Variants in ELAVL4 observed in about 807,000 individuals in gnomAD.
The protein encoded by ELAVL4 is ELAV like RNA binding protein 4.
ELAVL4 carries 1 observed loss-of-function variant against 35.6 expected under a neutral mutation model. The observed-to-expected ratio is 0.03, with a 90% CI of 0.01 to 0.13. ELAVL4 has a LOEUF of 0.13. Ranked by LOEUF, ELAVL4 falls within the 10% of genes least tolerant of loss-of-function variation. ELAVL4 has a pLI of 1.00. For synonymous variants in ELAVL4, 156 were observed against 171.0 expected (o/e 0.91, Z 0.69); for missense variants, 267 against 464.9 (o/e 0.57, Z 3.91).
chr1:50,143,834 A>G (rs575960409), intron 1 of ELAVL4, among the ~76,000 whole-genome samples: 1 of 152,206 alleles, frequency 6.6e-6, no homozygotes, highest in African/African-American at 2.4e-5. Flanking sequence ...GTAACTGGAC[A>G]TCTCTGGGCT....
chr1:50,078,843 C>T (rs558474665), intron 1 of ELAVL4, among the ~76,000 whole-genome samples: 10 of 152,256 alleles, frequency 6.6e-5, no homozygotes, highest in East Asian at 1.9e-4. Flanking sequence ...ATCACATGTG[C>T]GTCTGTTGGT....
chr1:50,066,384 A>C (rs1050045824), intron 1 of ELAVL4, among the ~76,000 whole-genome samples: 3 of 152,166 alleles, frequency 2.0e-5, no homozygotes, highest in Non-Finnish European at 4.4e-5. Flanking sequence ...TTTTCCTACT[A>C]ATCCTACTGC....
intron 2 of ELAVL4, chr1:50,175,724 G>A (rs2148822786): frequency 6.6e-6 from 1 of 152,260 alleles, no homozygotes; most frequent in African/African-American, 2.4e-5. Flanking sequence ...AACCCAACTT[G>A]TTTTCCCAGG....
rs768826797 is a variant in ELAVL4 at position 50,048,212 on chromosome 1, C to T, written c.18+30C>T. ...AAGCGCCTCGGCGCAGGCCCCGCAC[C>T]CCCGACTCTGCCCGCCCTCTGTTAC... On this transcript the variant is annotated intron_variant, in intron 1 of 6. Transcript: ENST00000448907. The T allele has an allele frequency of 2.1e-4, 313 of 1,503,884 alleles. 1 individual carries two copies. Among genetic ancestry groups the T allele is most frequent in the Non-Finnish European group, 2.6e-4 (288 of 1,126,818 alleles). 93.2% of individuals were successfully genotyped at this position (1,503,884 alleles called of 1,614,324 possible).
At chr1:50,075,921 G>A (rs564201126) in intron 1 of ELAVL4, among the ~76,000 whole-genome samples, 18 of 152,120 alleles carry the variant, frequency 1.2e-4, no homozygotes, top group Admixed American at 2.0e-4. Context: ...TCCACCTCCC[G>A]GGTTCAAGCG....
At chr1:50,182,983 G>T (rs971257039) in intron 3 of ELAVL4, among the ~76,000 whole-genome samples, 1 of 151,202 alleles carries the variant, frequency 6.6e-6, no homozygotes, top group South Asian at 2.1e-4. Flanking sequence ...TCAGCCTCCC[G>T]AGTAGCTGGG....
chr1:50,147,657 G>A (rs946486515), intron 2 of ELAVL4, among the ~76,000 whole-genome samples: 27 of 152,104 alleles, frequency 1.8e-4, no homozygotes, highest in African/African-American at 6.5e-4. Flanking sequence ...ATGACATCAT[G>A]GGTATTTTTG....
chr1:50,112,956 A>G (rs1424669033), intron 1 of ELAVL4, among the ~76,000 whole-genome samples: 2 of 152,170 alleles, frequency 1.3e-5, no homozygotes, highest in Non-Finnish European at 2.9e-5. Flanking sequence ...AGAGAGAGAG[A>G]GAAAGAAAAT....
chr1:50,075,754 G>A (rs780703388), intron 1 of ELAVL4, among the ~76,000 whole-genome samples: 1 of 152,184 alleles, frequency 6.6e-6, no homozygotes, highest in Non-Finnish European at 1.5e-5. Flanking sequence ...TGATGAACCC[G>A]TCATAAGTTG....
intron 1 of ELAVL4, among the ~76,000 whole-genome samples, chr1:50,070,610 C>A (rs1312227957): frequency 1.3e-5 from 2 of 151,974 alleles, no homozygotes; most frequent in East Asian, 3.9e-4. Flanking sequence ...GGCATGGTGA[C>A]AGGCACCTGT....
At chr1:50,098,790 A>G (rs927913294) in intron 1 of ELAVL4, among the ~76,000 whole-genome samples, 3 of 152,242 alleles carry the variant, frequency 2.0e-5, no homozygotes, top group African/African-American at 7.2e-5. Context: ...GTTATATAGC[A>G]TGCCTCTCTT....
chr1:50,094,912 G>A (rs986183340), intron 1 of ELAVL4, among the ~76,000 whole-genome samples: 2 of 151,822 alleles, frequency 1.3e-5, no homozygotes, highest in African/African-American at 2.4e-5. Context: ...CCTGGGCGAC[G>A]GAGTGAGACT....
chr1:50,139,409 G>A (rs1165772799), intron 1 of ELAVL4, among the ~76,000 whole-genome samples: 1 of 152,160 alleles, frequency 6.6e-6, no homozygotes, highest in African/African-American at 2.4e-5. Context: ...GTCTGTTGAA[G>A]TACATTCTGG....
At chr1:50,186,630 A>G (rs1357762303) in intron 3 of ELAVL4, among the ~76,000 whole-genome samples, 1 of 140,442 alleles carries the variant, frequency 7.1e-6, no homozygotes, top group Non-Finnish European at 1.6e-5. Flanking sequence ...ACAAAGACAT[A>G]GAAATAGAAA....
chr1:50,092,458 T>A (rs1665538403), intron 1 of ELAVL4, among the ~76,000 whole-genome samples: 1 of 152,218 alleles, frequency 6.6e-6, no homozygotes, highest in African/African-American at 2.4e-5. Context: ...CTGGCAGCAT[T>A]GCTGAGCTAA....
At chr1:50,199,859 G>A (rs1214957165) in intron 6 of ELAVL4, among the ~76,000 whole-genome samples, 1 of 152,154 alleles carries the variant, frequency 6.6e-6, no homozygotes, top group East Asian at 1.9e-4. Flanking sequence ...ATTACACAAG[G>A]ATTTATTTCA....
chr1:50,050,486 A>C (rs1663294815), intron 1 of ELAVL4, among the ~76,000 whole-genome samples: 1 of 152,216 alleles, frequency 6.6e-6, no homozygotes, highest in African/African-American at 2.4e-5. Flanking sequence ...TATATCAATA[A>C]AGTTCATGCT....
At chr1:50,048,749 G>T (rs953723488) in intron 1 of ELAVL4, among the ~76,000 whole-genome samples, 1 of 152,206 alleles carries the variant, frequency 6.6e-6, no homozygotes, top group East Asian at 1.9e-4. Flanking sequence ...CCCCGCTGTG[G>T]ACCTGGGACT....
chr1:50,165,512 C>CATATATACTATATATACAT lies in ELAVL4; in HGVS notation c.251-11569_251-11568insTATATATACATATATATAC, dbSNP rs1301372377. On this transcript the variant is annotated intron_variant, in intron 2 of 6. Transcript: ENST00000371824. ...TGTGTGTATACATGTATATACTATG[C>CATATATACTATATATACAT]ATATATACGTATATACATATACCTA... 5.4e-5 allele frequency among the ~76,000 whole-genome samples: 8 copies of CATATATACTATATATACAT among 149,228 alleles called. No homozygotes were observed. The East Asian group carries it at 1.6e-3, about 29-fold the overall frequency.
Sources: gnomAD v4.1 joint callset for allele counts (sites outside exome capture counted in the v4.1 genomes callset) on GRCh38, gnomAD v4.1.1 for gene constraint, MANE v1.5 for transcripts, NCBI Gene and HGNC (gene_info 2026-07-23, HGNC 2026-07-21) for gene names.